The following EML6 variants were observed in gnomAD, a reference collection of about 807,000 sequenced individuals.
EML6 encodes echinoderm microtubule-associated protein-like 6.
In EML6, 154 loss-of-function variants were observed where a neutral mutation model predicts 240.1. The ratio of observed to expected loss-of-function variants is 0.64; its 90% CI spans 0.56 to 0.73. The LOEUF (loss-of-function observed/expected upper bound fraction) is 0.73. EML6 is among the 30% of genes least tolerant of loss of function. The pLI is 0.00. For missense variants in EML6, 2,964 were observed against 2,474.6 expected (o/e 1.20, Z -4.20); for synonymous variants, 1,148 against 899.0 (o/e 1.28, Z -4.95).
intron 2 of EML6, among the ~76,000 whole-genome samples, chr2:54,773,488 T>G (rs1668480861): frequency 6.6e-6 from 1 of 152,262 alleles, no homozygotes; most frequent in Non-Finnish European, 1.5e-5. Context: ...AGGCTGAGCT[T>G]TCTTCCACCC....
chr2:54,747,006 G>C (rs1375047619), intron 2 of EML6: 1 of 152,194 alleles, frequency 6.6e-6, no homozygotes, highest in African/African-American at 2.4e-5. Flanking sequence ...GCACTTCAAA[G>C]AGACTGCAGT....
chr2:54,961,184 G>GTTGTTGTTTTTTTTTTTTTTTTTT, intron 35 of EML6, among the ~76,000 whole-genome samples: 2 of 55,424 alleles, frequency 3.6e-5, no homozygotes, highest in African/African-American at 1.6e-4. Context: ...TCAGGAAGTA[G>GTTGTTGTTTTTTTTTTTTTTTTTT]TTTTTTTTTT....
rs566170310 is a variant in EML6 at position 54,948,847 on chromosome 2, A to G, written c.4005-35A>G. 5.9e-6 allele frequency: 9 copies of G among 1,520,812 alleles called. No individual in the cohort carries two copies. The South Asian group carries it at 9.6e-5, about 16-fold the overall frequency. 94.2% of individuals were successfully genotyped at this position (1,520,812 alleles called of 1,614,324 possible). A position where few individuals can be genotyped will look rare whatever the true frequency, so the allele number is the denominator to read the frequency against. ...GAAGGCAGCCTTGCAGCCCTTGTTC[A>G]ATGCTGTGCTTCCTCTGGCCGCTCT... On this transcript the variant is annotated intron_variant, in intron 28 of 41. Transcript: ENST00000356458.
rs555196328 is a variant in EML6, at chr2:54,884,009, C to G, written c.2438+4369C>G. Among the ~76,000 whole-genome samples the G allele has an allele frequency of 2.0e-5, 3 of 152,316 alleles. No homozygotes were observed. The South Asian group carries it at 6.2e-4, about 32-fold the overall frequency. On this transcript the variant is annotated intron_variant, in intron 17 of 41. Transcript: ENST00000356458. ...CTGCACAGAGACTTCTGTGACCAAA[C>G]TTGTGGGGATTTCTCCCCACCAGCA...
intron 33 of EML6, among the ~76,000 whole-genome samples, chr2:54,958,503 T>TG: frequency 6.6e-6 from 1 of 152,208 alleles, no homozygotes; most frequent in South Asian, 2.1e-4. Flanking sequence ...ATATTTTTTT[T>TG]TTCTTAAAAT....
intron 22 of EML6, among the ~76,000 whole-genome samples, chr2:54,902,827 G>A (rs760233178): frequency 7.9e-5 from 12 of 152,122 alleles, no homozygotes; most frequent in Non-Finnish European, 1.3e-4. Flanking sequence ...CACCTGCCTC[G>A]ACCTTCCAAA....
rs1682847839 is a variant in EML6 at position 54,725,103 on chromosome 2, G to T, written c.42G>T (p.Glu14Asp). The T allele has an allele frequency of 6.5e-7, 1 of 1,533,946 alleles. No homozygotes were observed. The highest frequency in any genetic ancestry group is 8.8e-7 in the Non-Finnish European group (1 of 1,139,482). The change falls in exon 2 of 42, where the codon GAG becomes GAT. Residue 14 changes from glutamate to aspartate, a missense_variant. Coordinates refer to ENST00000356458, the MANE Select transcript of EML6 (RefSeq NM_001039753.4). This position sits in a 1 kb window ranked among gnomAD's most constrained non-coding sequence, Gnocchi z 4.3. ...CGCCCCGCTGCCAGCTCCGGCTGGA[G>T]TGGGTGTACGGGTACCGGGGTCACC... ...RTAPRCQLRL[E>D]WVYGYRGHQC...
chr2:54,937,474 G>C (rs1247244166), intron 28 of EML6, among the ~76,000 whole-genome samples: 1 of 142,950 alleles, frequency 7.0e-6, no homozygotes, highest in Non-Finnish European at 1.5e-5. Flanking sequence ...GATCACTTGA[G>C]CCTGGGAGGT....
chr2:54,938,505 T>G (rs1381153680), intron 28 of EML6, among the ~76,000 whole-genome samples: 2 of 152,246 alleles, frequency 1.3e-5, no homozygotes, highest in African/African-American at 4.8e-5. Flanking sequence ...TTCTCTGAGA[T>G]GTATTTTATA....
intron 2 of EML6, among the ~76,000 whole-genome samples, chr2:54,729,277 C>T (rs1217322795): frequency 6.6e-6 from 1 of 152,242 alleles, no homozygotes; most frequent in Non-Finnish European, 1.5e-5. Context: ...CTTGTACCAT[C>T]CTCAGATGAA....
At chr2:54,848,292 A>G (rs1266690858) in intron 9 of EML6, among the ~76,000 whole-genome samples, 2 of 152,238 alleles carry the variant, frequency 1.3e-5, no homozygotes, top group Admixed American at 6.5e-5. Context: ...TTGTAATTAT[A>G]GAAAATAAAT....
chr2:54,808,328 C>T (rs1359758786), intron 2 of EML6, among the ~76,000 whole-genome samples: 1 of 152,230 alleles, frequency 6.6e-6, no homozygotes, highest in African/African-American at 2.4e-5. Context: ...TTCTGCCTTG[C>T]AGATGAACAT....
chr2:54,809,239 C>T (rs6746108), intron 2 of EML6, among the ~76,000 whole-genome samples: 21,700 of 152,164 alleles, frequency 0.14, 1,664 homozygotes, highest in East Asian at 0.22. Context: ...TATGGACTCT[C>T]AATAGGCAGA....
At chr2:54,888,081 T>C (rs1573075724) in intron 17 of EML6, among the ~76,000 whole-genome samples, 1 of 152,190 alleles carries the variant, frequency 6.6e-6, no homozygotes, top group Non-Finnish European at 1.5e-5. Context: ...CCACCAGCTT[T>C]TGTGAAAAGA....
intron 2 of EML6, among the ~76,000 whole-genome samples, chr2:54,741,374 A>G (rs951566281): frequency 2.0e-5 from 3 of 152,188 alleles, no homozygotes; most frequent in Admixed American, 1.3e-4. Context: ...TTCAGTAGGT[A>G]TAGGTGTGAG....
chr2:54,899,726 G>A lies in EML6; in HGVS notation c.3068G>A (p.Arg1023His), dbSNP rs1056189867. Residue 1023 changes from arginine to histidine, a missense_variant, in exon 22 of 42, where the codon CGC (arginine) becomes CAC (histidine). Arg to His is a conservative substitution (Grantham distance 29). Transcript: ENST00000356458. Reference protein sequence around the residue: ...CATVSDDKTLRIWELSAQHRM... With the variant: ...CATVSDDKTLHIWELSAQHRM... Reference sequence around the variant, plus strand: ...ACAGTGAGCGATGATAAAACACTTCGCATCTGGGAACTATCTGCCCAGCAC... The same window carrying A: ...ACAGTGAGCGATGATAAAACACTTCACATCTGGGAACTATCTGCCCAGCAC... The A allele has an allele frequency of 8.4e-6, 13 of 1,551,884 alleles. No individual in the cohort carries two copies. Among genetic ancestry groups the A allele is most frequent in the Admixed American group, 3.9e-5 (2 of 50,988 alleles).
intron 7 of EML6, among the ~76,000 whole-genome samples, chr2:54,835,872 GTGT>G (rs1244434639): frequency 2.0e-5 from 3 of 152,176 alleles, no homozygotes; most frequent in Admixed American, 6.5e-5. Flanking sequence ...AATGTTGATA[GTGT>G]TGTTGTTAAG....
At chr2:54,953,093 A>G (rs948428473) in intron 31 of EML6, among the ~76,000 whole-genome samples, 1 of 152,206 alleles carries the variant, frequency 6.6e-6, no homozygotes, top group African/African-American at 2.4e-5. Flanking sequence ...ACTGATTCAC[A>G]TTTATGAGAA....
chr2:54,859,350 G>A (rs1218000684), intron 11 of EML6, among the ~76,000 whole-genome samples, 184 bp from the exon 12 acceptor site: 8 of 152,122 alleles, frequency 5.3e-5, no homozygotes, highest in Non-Finnish European at 1.0e-4. Context: ...TTAGCTTACT[G>A]CATATTGGAA....
Sources: gnomAD v4.1 joint callset for allele counts (sites outside exome capture counted in the v4.1 genomes callset) on GRCh38, gnomAD v4.1.1 for gene constraint, Gnocchi (gnomAD v3.1) non-coding constraint, MANE v1.5 for transcripts, NCBI Gene and HGNC (gene_info 2026-07-23, HGNC 2026-07-21) for gene names.